The following ARL15 variants were observed in gnomAD, a reference collection of about 807,000 sequenced individuals.
ARL15 encodes ADP-ribosylation factor-like protein 15.
Under a neutral mutation model 25.2 loss-of-function variants are expected in ARL15, and 19 were observed. The ratio of observed to expected loss-of-function variants is 0.75; its 90% confidence interval spans 0.53 to 1.10. The LOEUF (loss-of-function observed/expected upper bound fraction) is 1.10. Ranked by LOEUF, ARL15 falls within the 50% of genes least tolerant of loss-of-function variation. The probability of loss-of-function intolerance (pLI) is 0.00; values close to 1 mark genes in which losing one functional copy is unlikely to be tolerated. For missense variants in ARL15, 220 were observed against 246.0 expected, an observed-to-expected ratio of 0.89 and a Z score of 0.71; for synonymous variants, 94 against 86.8, an observed-to-expected ratio of 1.08 and a Z score of -0.46.
chr5:54,193,807 G>A (rs1026570688), intron 1 of ARL15, among the ~76,000 whole-genome samples: 2 of 146,788 alleles, frequency 1.4e-5, no homozygotes, highest in African/African-American at 2.5e-5. Flanking sequence ...ATAAATATTT[G>A]TTGATTTCCT....
chr5:54,002,485 T>C (rs1445877462), intron 4 of ARL15, among the ~76,000 whole-genome samples: 2 of 152,200 alleles, frequency 1.3e-5, no homozygotes, highest in South Asian at 2.1e-4. Flanking sequence ...TGTTTAACAT[T>C]AGTTGTAATA....
intron 4 of ARL15, among the ~76,000 whole-genome samples, chr5:53,983,629 T>A (rs1248140001): frequency 1.4e-4 from 21 of 152,238 alleles, no homozygotes; most frequent in Non-Finnish European, 2.4e-4. Flanking sequence ...ATTGGTCTAC[T>A]TTCTTTAATC....
At chr5:54,161,169 A>C (rs1341831789) in intron 2 of ARL15, among the ~76,000 whole-genome samples, 1 of 152,178 alleles carries the variant, frequency 6.6e-6, no homozygotes, top group Non-Finnish European at 1.5e-5. Context: ...GTAATTAACA[A>C]ACTCCCTTGT....
intron 4 of ARL15, among the ~76,000 whole-genome samples, chr5:54,076,451 G>C (rs920163017): frequency 7.3e-6 from 1 of 136,354 alleles, no homozygotes; most frequent in African/African-American, 2.5e-5. Context: ...GAAAAAAAAA[G>C]AGAAATCAGG....
intron 3 of ARL15, among the ~76,000 whole-genome samples, chr5:54,130,604 G>A (rs971043110): frequency 3.2e-4 from 49 of 152,150 alleles, no homozygotes; most frequent in African/African-American, 1.2e-3. Flanking sequence ...AGGCTATCGT[G>A]AGAAAACTTC....
chr5:53,970,464 CAG>C (rs1747704802), intron 4 of ARL15, among the ~76,000 whole-genome samples: 1 of 151,786 alleles, frequency 6.6e-6, no homozygotes, highest in Non-Finnish European at 1.5e-5. Context: ...AACACTATAG[CAG>C]AGAGTGAGAA....
intron 4 of ARL15, among the ~76,000 whole-genome samples, chr5:54,072,207 G>A (rs760489406): frequency 4.6e-5 from 7 of 152,012 alleles, no homozygotes; most frequent in Non-Finnish European, 1.0e-4. Flanking sequence ...TATCAGCCAC[G>A]ATCACTAACA....
At chr5:53,928,111 C>T (rs1746090557) in intron 4 of ARL15, among the ~76,000 whole-genome samples, 2 of 152,106 alleles carry the variant, frequency 1.3e-5, no homozygotes, top group South Asian at 2.1e-4. Context: ...CTGACGGTAA[C>T]TAACGTTACT....
At chr5:54,154,991 C>T (rs981778216) in intron 2 of ARL15, among the ~76,000 whole-genome samples, 3 of 152,048 alleles carry the variant, frequency 2.0e-5, no homozygotes, top group Admixed American at 6.6e-5. Context: ...TGTGGTGGCA[C>T]ACGCCTGTAA....
rs188965088 is a variant in ARL15 at position 54,013,845 on chromosome 5, C to G, written c.462+99357G>C. 1.3e-3 allele frequency among the ~76,000 whole-genome samples: 192 copies of G among 152,192 alleles called. 2 individuals are homozygous for G. Among genetic ancestry groups the G allele is most frequent in the Non-Finnish European group, 9.1e-4 (62 of 68,004 alleles). On this transcript the variant is annotated intron_variant, in intron 4 of 4. Coordinates refer to ENST00000504924, the MANE Select transcript of ARL15 (RefSeq NM_019087.3). ...TCAGCAGCACCCATTCCCTTACCCCCCCACCCAACAAACTACCCTTGAAAA... is the reference window on the plus strand; with the variant it reads ...TCAGCAGCACCCATTCCCTTACCCCGCCACCCAACAAACTACCCTTGAAAA...
chr5:53,947,521 T>C (rs577523496), intron 4 of ARL15, among the ~76,000 whole-genome samples: 73 of 152,224 alleles, frequency 4.8e-4, no homozygotes, highest in South Asian at 1.5e-3. Flanking sequence ...TGTGAATATG[T>C]AGAGCAAACC....
intron 1 of ARL15, among the ~76,000 whole-genome samples, chr5:54,221,944 G>C (rs1055418446): frequency 2.6e-5 from 4 of 151,744 alleles, no homozygotes; most frequent in Non-Finnish European, 5.9e-5. Context: ...GAACATTTTT[G>C]AACAATGAAA....
At chr5:54,215,337 C>G (rs910574667) in intron 1 of ARL15, among the ~76,000 whole-genome samples, 1 of 152,008 alleles carries the variant, frequency 6.6e-6, no homozygotes, top group Non-Finnish European at 1.5e-5. Context: ...TACCATAAAT[C>G]TGACAAACGC....
intron 4 of ARL15, among the ~76,000 whole-genome samples, chr5:53,919,908 G>T (rs895292291): frequency 6.6e-6 from 1 of 152,114 alleles, no homozygotes; most frequent in Non-Finnish European, 1.5e-5. Context: ...TTGAACCGAC[G>T]AGTCAGTAAA....
intron 1 of ARL15, among the ~76,000 whole-genome samples, chr5:54,264,488 C>G (rs2112629652): frequency 6.6e-6 from 1 of 152,264 alleles, no homozygotes; most frequent in East Asian, 1.9e-4. Context: ...ACTCAAAACC[C>G]TATGAGGTAC....
At chr5:53,965,500 G>A (rs697111) in intron 4 of ARL15, among the ~76,000 whole-genome samples, 47,294 of 151,992 alleles carry the variant, frequency 0.31, 8,928 homozygotes, top group Middle Eastern at 0.46. Flanking sequence ...ATCCTGAGGT[G>A]GGGGGGACTT....
chr5:53,933,685 GATA>G (rs1191561294), intron 4 of ARL15, among the ~76,000 whole-genome samples: 2 of 144,126 alleles, frequency 1.4e-5, no homozygotes, highest in African/African-American at 5.0e-5. Flanking sequence ...AAAGCAGTCA[GATA>G]CATCAGAATG....
intron 4 of ARL15, among the ~76,000 whole-genome samples, chr5:53,892,943 G>T (rs1744767516): frequency 6.6e-6 from 1 of 152,050 alleles, no homozygotes; most frequent in Non-Finnish European, 1.5e-5. Flanking sequence ...GTATGGTCTT[G>T]CTCCAATTAA....
chr5:54,289,747 A>T (rs570877608), intron 1 of ARL15, among the ~76,000 whole-genome samples: 1 of 152,382 alleles, frequency 6.6e-6, no homozygotes, highest in South Asian at 2.1e-4. Flanking sequence ...AATGAGGATC[A>T]TAGTAGTACC....
Sources: allele counts gnomAD v4.1 joint callset (sites outside exome capture counted in the v4.1 genomes callset), GRCh38; gene constraint gnomAD v4.1.1; transcripts MANE v1.5; gene names NCBI Gene and HGNC (gene_info 2026-07-23, HGNC 2026-07-21).